The following MYO5B variants were observed in gnomAD, a reference collection of about 807,000 sequenced individuals.
MYO5B encodes myosin VB.
MYO5B carries 143 observed loss-of-function variants against 229.3 expected under a neutral mutation model. The ratio of observed to expected loss-of-function variants is 0.62; its 90% confidence interval spans 0.54 to 0.72. The LOEUF is 0.72. Among genes scored for constraint, MYO5B ranks in the 30% least tolerant of loss-of-function variants. The probability of loss-of-function intolerance (pLI) is 0.00; values close to 1 mark genes in which losing one functional copy is unlikely to be tolerated. For missense variants in MYO5B, 2,321 were observed against 2,331.0 expected (o/e 1.00, Z 0.09); for synonymous variants, 918 against 885.2 (o/e 1.04, Z -0.66).
At chr18:49,987,724 C>T (rs1284234103) in intron 7 of MYO5B, among the ~76,000 whole-genome samples, 1 of 151,904 alleles carries the variant, frequency 6.6e-6, no homozygotes, top group East Asian at 1.9e-4. Context: ...CATACAACCA[C>T]GGAAATGAAA....
chr18:50,183,151 T>C (rs953254744), intron 1 of MYO5B, among the ~76,000 whole-genome samples: 1 of 151,834 alleles, frequency 6.6e-6, no homozygotes, highest in Non-Finnish European at 1.5e-5. Context: ...TAATTGATGA[T>C]GCACGGTAAT....
chr18:49,915,560 G>A (rs371493590), intron 17 of MYO5B, among the ~76,000 whole-genome samples: 8 of 152,328 alleles, frequency 5.3e-5, no homozygotes, highest in Admixed American at 2.6e-4. Flanking sequence ...TTTACTCACC[G>A]AGCAGAAACT....
chr18:49,832,939 C>T (rs996301389), intron 39 of MYO5B, among the ~76,000 whole-genome samples: 6 of 151,970 alleles, frequency 3.9e-5, no homozygotes, highest in African/African-American at 1.2e-4. Context: ...AGGTTTGCTG[C>T]GTTTATTATC....
chr18:49,870,315 G>A (rs750989290), intron 27 of MYO5B, among the ~76,000 whole-genome samples: 4 of 152,188 alleles, frequency 2.6e-5, no homozygotes, highest in Non-Finnish European at 4.4e-5. Context: ...AGGCCTAAAT[G>A]TAAGACCTAA....
intron 1 of MYO5B, among the ~76,000 whole-genome samples, chr18:50,076,718 G>A (rs899897245): frequency 6.6e-6 from 1 of 152,076 alleles, no homozygotes; most frequent in East Asian, 1.9e-4. Flanking sequence ...CACTGCCCCC[G>A]CTGCCTTCCT....
intron 1 of MYO5B, among the ~76,000 whole-genome samples, chr18:50,157,959 C>T (rs1213486095): frequency 6.6e-6 from 1 of 152,180 alleles, no homozygotes; most frequent in East Asian, 1.9e-4. Context: ...TGGAACTCTA[C>T]AAGTAAAATT....
At chr18:49,917,422 C>T (rs549126343) in intron 17 of MYO5B, among the ~76,000 whole-genome samples, 2 of 152,282 alleles carry the variant, frequency 1.3e-5, no homozygotes, top group South Asian at 4.1e-4. Context: ...TATCCCCGAC[C>T]CCATTCACTG....
intron 33 of MYO5B, among the ~76,000 whole-genome samples, chr18:49,844,501 T>C (rs1404708902): frequency 6.6e-6 from 1 of 152,172 alleles, no homozygotes; most frequent in Admixed American, 6.5e-5. Flanking sequence ...TTGCAAACCT[T>C]CTACCAGGCT....
intron 1 of MYO5B, among the ~76,000 whole-genome samples, chr18:50,146,068 G>T (rs188929274): frequency 6.8e-4 from 103 of 152,332 alleles, no homozygotes; most frequent in African/African-American, 2.3e-3. Flanking sequence ...TAAGACAGTA[G>T]CTCAGTTTAA....
chr18:49,947,326 T>C (rs2954240), intron 14 of MYO5B, among the ~76,000 whole-genome samples: 89,447 of 151,384 alleles, frequency 0.59, 26,931 homozygotes, highest in Middle Eastern at 0.73. Flanking sequence ...AGGATGGTCT[T>C]GATCTCCTGA....
intron 13 of MYO5B, among the ~76,000 whole-genome samples, chr18:49,954,022 A>ACATG (rs2025462195): frequency 3.9e-5 from 5 of 129,814 alleles, no homozygotes; most frequent in Non-Finnish European, 8.0e-5. Context: ...GTATGTATTT[A>ACATG]TATGTGTGTG....
At chr18:50,038,565 C>G (rs924199496) in intron 3 of MYO5B, among the ~76,000 whole-genome samples, 1 of 152,166 alleles carries the variant, frequency 6.6e-6, no homozygotes, top group African/African-American at 2.4e-5. Flanking sequence ...GATTCTAATT[C>G]ACGTAGCACG....
At chr18:49,961,971 T>A (rs2025564223) in intron 12 of MYO5B, among the ~76,000 whole-genome samples, 1 of 152,222 alleles carries the variant, frequency 6.6e-6, no homozygotes, top group Admixed American at 6.5e-5. Flanking sequence ...TCTTGGCACC[T>A]AGGTCACCTG....
intron 1 of MYO5B, among the ~76,000 whole-genome samples, chr18:50,079,839 T>C (rs979793217): frequency 6.6e-6 from 1 of 152,132 alleles, no homozygotes; most frequent in Non-Finnish European, 1.5e-5. Flanking sequence ...CCTGCCTGCC[T>C]GCCCTCCTTA....
chr18:49,903,725 A>T (rs1473843116), intron 20 of MYO5B, among the ~76,000 whole-genome samples: 1 of 152,236 alleles, frequency 6.6e-6, no homozygotes, highest in African/African-American at 2.4e-5. Flanking sequence ...AAACCATTTT[A>T]GACATTTCCT....
intron 37 of MYO5B, among the ~76,000 whole-genome samples, chr18:49,837,310 T>C (rs2023999023): frequency 6.6e-6 from 1 of 152,242 alleles, no homozygotes; most frequent in African/African-American, 2.4e-5. Context: ...TTGAACTAAT[T>C]TGTTTACCAA....
At chr18:49,864,059 G>C in intron 28 of MYO5B, 82 bp downstream of exon 28, 1 of 1,577,886 alleles carries the variant, frequency 6.3e-7, no homozygotes, top group Admixed American at 1.7e-5. Context: ...AGACCCTCGT[G>C]GGTAAAGATA....
intron 9 of MYO5B, among the ~76,000 whole-genome samples, chr18:49,978,564 A>G (rs889788199): frequency 4.6e-5 from 7 of 152,084 alleles, no homozygotes; most frequent in African/African-American, 7.2e-5. Flanking sequence ...TCATCCACCC[A>G]TCTACTTCTT....
At chr18:50,007,864 A>G (rs560710538) in intron 4 of MYO5B, among the ~76,000 whole-genome samples, 6 of 152,350 alleles carry the variant, frequency 3.9e-5, no homozygotes, top group African/African-American at 1.4e-4. Flanking sequence ...TAAGATTCAT[A>G]AGATCACTGG....
Sources: gnomAD v4.1 joint callset for allele counts (sites outside exome capture counted in the v4.1 genomes callset) on GRCh38, gnomAD v4.1.1 for gene constraint, MANE v1.5 for transcripts, NCBI Gene and HGNC (gene_info 2026-07-23, HGNC 2026-07-21) for gene names.